The following MGAT4C variants were observed in gnomAD, a reference collection of about 807,000 sequenced individuals.
MGAT4C encodes alpha-1,3-mannosyl-glycoprotein 4-beta-N-acetylglucosaminyltransferase C.
A neutral mutation model predicts 40.1 loss-of-function variants in MGAT4C; 19 were observed. The observed-to-expected ratio is 0.47, with a 90% CI of 0.33 to 0.70. The LOEUF is 0.70. MGAT4C is among the 30% of genes least tolerant of loss of function. The pLI is 0.02. For synonymous variants in MGAT4C, 181 were observed against 187.1 expected (o/e 0.97, Z 0.27); for missense variants, 491 against 563.2 (o/e 0.87, Z 1.30).
intron 4 of MGAT4C, among the ~76,000 whole-genome samples, chr12:86,305,655 TTTATG>T (rs1490980697): frequency 2.0e-5 from 3 of 150,294 alleles, no homozygotes; most frequent in African/African-American, 7.5e-5. Flanking sequence ...GTTCAAGTCT[TTTATG>T]TTAAGTGGTG....
intron 1 of MGAT4C, among the ~76,000 whole-genome samples, chr12:86,158,821 T>A: frequency 6.6e-6 from 1 of 152,172 alleles, no homozygotes; most frequent in East Asian, 1.9e-4. Context: ...ATTCTTTTCT[T>A]GATTTCACTC....
intron 1 of MGAT4C, among the ~76,000 whole-genome samples, chr12:86,802,416 C>G (rs1278052881): frequency 6.6e-6 from 1 of 151,910 alleles, no homozygotes; most frequent in Non-Finnish European, 1.5e-5. Flanking sequence ...GTACATAGTA[C>G]TGTATTAGGC....
intron 2 of MGAT4C, among the ~76,000 whole-genome samples, chr12:86,637,231 T>C (rs1963246694): frequency 6.6e-6 from 1 of 152,014 alleles, no homozygotes; most frequent in Non-Finnish European, 1.5e-5. Context: ...ATATTGAACA[T>C]AAATATTTGT....
At chr12:86,473,176 C>T (rs1048899690) in intron 2 of MGAT4C, among the ~76,000 whole-genome samples, 2 of 152,078 alleles carry the variant, frequency 1.3e-5, no homozygotes, top group Non-Finnish European at 2.9e-5. Context: ...AGGCTAGTCA[C>T]GAACTCCTGA....
intron 2 of MGAT4C, among the ~76,000 whole-genome samples, chr12:86,532,069 G>C (rs1958995566): frequency 6.6e-6 from 1 of 151,822 alleles, no homozygotes; most frequent in Non-Finnish European, 1.5e-5. Flanking sequence ...CATTTTTATA[G>C]ATTCTTTAAC....
At chr12:86,290,992 C>A (rs148769512) in intron 4 of MGAT4C, among the ~76,000 whole-genome samples, 1 of 152,218 alleles carries the variant, frequency 6.6e-6, no homozygotes, top group East Asian at 1.9e-4. Context: ...TTTGAACAAC[C>A]AAGACCCAGA....
chr12:86,455,221 A>G lies in MGAT4C; in HGVS notation c.-228-19956T>C, dbSNP rs1224871002. Among the ~76,000 whole-genome samples, 4 of 152,118 alleles carry G rather than the reference A, an allele frequency of 2.6e-5. No homozygotes were observed. The East Asian group carries it at 7.7e-4, about 29-fold the overall frequency. ...CCAGTATCAAATAATTCAGCAATAT[A>G]TGCAGGATTTCCTTCAAAGGTATGT... On this transcript the variant is annotated intron_variant, in intron 2 of 7. Coordinates refer to the MGAT4C transcript ENST00000548651.
At chr12:86,482,067 TACACAC>T (rs10526768) in intron 2 of MGAT4C, among the ~76,000 whole-genome samples, 71 of 143,198 alleles carry the variant, frequency 5.0e-4, no homozygotes, top group Middle Eastern at 3.7e-3. Context: ...AACATGTCAC[TACACAC>T]ACACACACAC....
intron 2 of MGAT4C, chr12:86,028,253 C>T: frequency 9.5e-7 from 1 of 1,056,816 alleles, no homozygotes; most frequent in South Asian, 1.3e-5. Flanking sequence ...ATTAAAAGCT[C>T]CTATTACCTT....
At position 86,770,941 on chromosome 12, in the gene MGAT4C, A is replaced by G. The variant is rs895402165; in HGVS notation, c.-261-43700T>C. Among the ~76,000 whole-genome samples, 2 of 152,148 alleles carry G rather than the reference A, an allele frequency of 1.3e-5. 1 individual carries two copies. The highest frequency in any genetic ancestry group is 2.9e-5 in the Non-Finnish European group (2 of 68,018). Reference sequence around the variant, plus strand: ...TTCCCCAAACTCATATGTTGAGTTCATAACTGTCAATACCTCAGAATGTAA... The same window carrying G: ...TTCCCCAAACTCATATGTTGAGTTCGTAACTGTCAATACCTCAGAATGTAA... On this transcript the variant is annotated intron_variant, in intron 1 of 7. Coordinates refer to the MGAT4C transcript ENST00000548651.
At chr12:86,240,293 T>C (rs1262205770) in intron 1 of MGAT4C, among the ~76,000 whole-genome samples, 6 of 151,768 alleles carry the variant, frequency 4.0e-5, no homozygotes, top group Non-Finnish European at 8.8e-5. Flanking sequence ...TAGATATATA[T>C]GCCCTGATCC....
At chr12:86,045,697 T>C (rs1892339619) in intron 2 of MGAT4C, among the ~76,000 whole-genome samples, 1 of 152,206 alleles carries the variant, frequency 6.6e-6, no homozygotes, top group African/African-American at 2.4e-5. Flanking sequence ...TCTATATTTG[T>C]CTATGTGTAA....
intron 2 of MGAT4C, among the ~76,000 whole-genome samples, chr12:86,725,508 AG>A (rs1276934901): frequency 6.6e-6 from 1 of 152,028 alleles, no homozygotes; most frequent in Admixed American, 6.6e-5. Context: ...TCACCCAGGC[AG>A]GGAGTATAGT....
chr12:86,665,285 C>T (rs1411013424), intron 2 of MGAT4C, among the ~76,000 whole-genome samples: 1 of 152,160 alleles, frequency 6.6e-6, no homozygotes, highest in Non-Finnish European at 1.5e-5. Flanking sequence ...TCCTTTTCTT[C>T]TCTACAATTT....
intron 1 of MGAT4C, among the ~76,000 whole-genome samples, chr12:86,835,949 A>G (rs1953028825): frequency 6.6e-6 from 1 of 152,010 alleles, no homozygotes; most frequent in South Asian, 2.1e-4. Context: ...GAGAAAATAT[A>G]TGCAAAAATA....
chr12:86,244,025 T>C (rs2136053297), intron 1 of MGAT4C, among the ~76,000 whole-genome samples: 2 of 152,278 alleles, frequency 1.3e-5, no homozygotes, highest in South Asian at 4.2e-4. Flanking sequence ...CTGGTGGTGT[T>C]TGTCATTTTT....
chr12:86,684,780 C>A (rs925954057), intron 2 of MGAT4C, among the ~76,000 whole-genome samples: 4 of 151,766 alleles, frequency 2.6e-5, no homozygotes, highest in African/African-American at 9.7e-5. Flanking sequence ...CTCTAATGAC[C>A]GATGATGATG....
chr12:86,169,931 C>A (rs1886629212), intron 1 of MGAT4C, among the ~76,000 whole-genome samples: 1 of 152,072 alleles, frequency 6.6e-6, no homozygotes, highest in Non-Finnish European at 1.5e-5. Flanking sequence ...AAATATTTCC[C>A]ATATCAAAGG....
chr12:86,054,386 G>A (rs1893190547), intron 1 of MGAT4C, among the ~76,000 whole-genome samples: 1 of 151,924 alleles, frequency 6.6e-6, no homozygotes, highest in Non-Finnish European at 1.5e-5. Context: ...ACTGATAAAA[G>A]TAAAGGACAG....
Sources: gnomAD v4.1 joint callset for allele counts (sites outside exome capture counted in the v4.1 genomes callset) on GRCh38, gnomAD v4.1.1 for gene constraint, MANE v1.5 for transcripts, NCBI Gene and HGNC (gene_info 2026-07-23, HGNC 2026-07-21) for gene names.